The following CEP128 variants were observed in gnomAD, a reference collection of about 807,000 sequenced individuals.
CEP128 encodes the protein centrosomal protein 128.
In CEP128, 132 loss-of-function variants were observed where a neutral mutation model predicts 156.7. The observed-to-expected ratio is 0.84, with a 90% CI of 0.73 to 0.97. The LOEUF (loss-of-function observed/expected upper bound fraction) is 0.97, where lower values mean the gene tolerates loss of function less well. CEP128 is among the 50% of genes least tolerant of loss of function. CEP128 has a pLI of 0.00. For missense variants in CEP128, 1,252 were observed against 1,281.9 expected (o/e 0.98, Z 0.36); for synonymous variants, 469 against 448.9 (o/e 1.04, Z -0.57).
At chr14:80,549,297 G>A (rs1258862438) in intron 21 of CEP128, among the ~76,000 whole-genome samples, 1 of 152,132 alleles carries the variant, frequency 6.6e-6, no homozygotes, top group Admixed American at 6.5e-5. Context: ...ACCTTTTTCC[G>A]GTTTCAGTTT....
chr14:80,951,741 C>A (rs1228695363), intron 2 of CEP128, among the ~76,000 whole-genome samples: 1 of 152,016 alleles, frequency 6.6e-6, no homozygotes, highest in Non-Finnish European at 1.5e-5. Context: ...CAAGACCCAA[C>A]TCTATGCTAT....
At chr14:80,537,970 T>C (rs1889562693) in intron 21 of CEP128, among the ~76,000 whole-genome samples, 1 of 152,196 alleles carries the variant, frequency 6.6e-6, no homozygotes, top group South Asian at 2.1e-4. Flanking sequence ...TAAGCTTCCG[T>C]ATCTTATTTG....
At chr14:80,513,400 T>C (rs1234843747) in intron 23 of CEP128, among the ~76,000 whole-genome samples, 1 of 152,192 alleles carries the variant, frequency 6.6e-6, no homozygotes, top group African/African-American at 2.4e-5. Flanking sequence ...TTTAATTTTT[T>C]TTCCTAATAC....
intron 9 of CEP128, among the ~76,000 whole-genome samples, chr14:80,860,343 T>C (rs960595220): frequency 1.3e-5 from 2 of 152,182 alleles, no homozygotes; most frequent in Non-Finnish European, 2.9e-5. Flanking sequence ...TCCTATTGTA[T>C]TGTCAGAGAT....
At chr14:80,595,071 AC>A (rs1200099336) in intron 19 of CEP128, among the ~76,000 whole-genome samples, 4 of 152,140 alleles carry the variant, frequency 2.6e-5, no homozygotes, top group Admixed American at 1.3e-4. Context: ...CTTGGAACCA[AC>A]CCAAATGCCC....
chr14:80,892,786 A>G (rs1595556520), intron 8 of CEP128, among the ~76,000 whole-genome samples: 1 of 152,030 alleles, frequency 6.6e-6, no homozygotes, highest in South Asian at 2.1e-4. Flanking sequence ...ACCAACAGCT[A>G]TATCAAAAGG....
At chr14:80,853,581 A>G (rs1323525706) in intron 9 of CEP128, among the ~76,000 whole-genome samples, 2 of 152,000 alleles carry the variant, frequency 1.3e-5, no homozygotes, top group Non-Finnish European at 1.5e-5. Context: ...AAGTCTAACA[A>G]AAGAGGTCTA....
At chr14:80,910,015 T>A (rs949630211) in intron 4 of CEP128, among the ~76,000 whole-genome samples, 2 of 152,168 alleles carry the variant, frequency 1.3e-5, no homozygotes, top group African/African-American at 4.8e-5. Context: ...AACTACAATG[T>A]TATAAATTCT....
chr14:80,527,686 T>C (rs571047672), intron 22 of CEP128, among the ~76,000 whole-genome samples: 36 of 152,328 alleles, frequency 2.4e-4, no homozygotes, highest in African/African-American at 8.7e-4. Flanking sequence ...TATATTCTTG[T>C]TTTAAAAAAT....
At position 80,788,908 on chromosome 14, in the gene CEP128, C is replaced by A. The variant is rs143632401; in HGVS notation, c.1561-3363G>T. Among the ~76,000 whole-genome samples the A allele has an allele frequency of 2.6e-4, 39 of 152,238 alleles. 1 individual carries two copies. In the East Asian group the frequency reaches 7.0e-3, roughly 27 times the overall value. On this transcript the variant is annotated intron_variant, in intron 14 of 24. Coordinates refer to ENST00000555265, the MANE Select transcript of CEP128 (RefSeq NM_152446.5). ...CAGGCAGAACTGCTCCAGCTCTCTG[C>A]AATTTGACAGTATGTCAAAGCTTTG...
intron 21 of CEP128, among the ~76,000 whole-genome samples, chr14:80,534,532 T>A (rs1889386921): frequency 6.6e-6 from 1 of 152,110 alleles, no homozygotes; most frequent in African/African-American, 2.4e-5. Context: ...GTCCCCACTG[T>A]TAAGGGAGCA....
intron 19 of CEP128, among the ~76,000 whole-genome samples, chr14:80,608,977 A>G (rs1161372569): frequency 6.6e-6 from 1 of 152,200 alleles, no homozygotes; most frequent in Non-Finnish European, 1.5e-5. Flanking sequence ...CACTTAATAA[A>G]TATTGACTAT....
At chr14:80,637,052 C>T (rs545736221) in intron 19 of CEP128, among the ~76,000 whole-genome samples, 3 of 151,102 alleles carry the variant, frequency 2.0e-5, no homozygotes, top group Admixed American at 1.3e-4. Flanking sequence ...GGCCATTGTA[C>T]TCCAGCCTGG....
At chr14:80,810,342 A>AAAAAAAAAAAAAAAAAAAAAAAAAAAC (rs1884449967) in intron 13 of CEP128, among the ~76,000 whole-genome samples, 1 of 148,392 alleles carries the variant, frequency 6.7e-6, no homozygotes, top group Non-Finnish European at 1.5e-5. Flanking sequence ...AAAAAAAAAA[A>AAAAAAAAAAAAAAAAAAAAAAAAAAAC]AAAAAAGAAT....
At chr14:80,852,167 T>C (rs1246258031) in intron 9 of CEP128, among the ~76,000 whole-genome samples, 1 of 151,948 alleles carries the variant, frequency 6.6e-6, no homozygotes, top group Non-Finnish European at 1.5e-5. Context: ...TTTCTTACTC[T>C]GGAGTACTTA....
intron 19 of CEP128, among the ~76,000 whole-genome samples, chr14:80,657,622 G>A (rs1378196346): frequency 6.6e-6 from 1 of 152,076 alleles, no homozygotes; most frequent in East Asian, 1.9e-4. Flanking sequence ...CTGCACTCCA[G>A]CCTGGGCAAC....
intron 2 of CEP128, among the ~76,000 whole-genome samples, chr14:80,936,392 G>C (rs1050457299): frequency 2.0e-5 from 3 of 152,082 alleles, no homozygotes; most frequent in African/African-American, 7.2e-5. Context: ...AAAAGAAAGA[G>C]AGAAAGAGAG....
intron 7 of CEP128, among the ~76,000 whole-genome samples, chr14:80,898,319 T>C (rs1319529445): frequency 6.6e-6 from 1 of 152,186 alleles, no homozygotes; most frequent in Non-Finnish European, 1.5e-5. Context: ...GAATCTGTAG[T>C]ACAAGTAAAG....
downstream of CEP128, among the ~76,000 whole-genome samples, chr14:80,492,837 C>A (rs142460473): frequency 2.0e-3 from 301 of 152,126 alleles, 1 homozygote; most frequent in African/African-American, 6.8e-3. Context: ...AATATTAAAT[C>A]ATTATATAAA....
Sources: allele counts gnomAD v4.1 joint callset (sites outside exome capture counted in the v4.1 genomes callset), GRCh38; gene constraint gnomAD v4.1.1; transcripts MANE v1.5; gene names NCBI Gene and HGNC (gene_info 2026-07-23, HGNC 2026-07-21).